GPM6A: variants seen among roughly 807,000 people sequenced by gnomAD.
GPM6A encodes neuronal membrane glycoprotein M6-a.
Under a neutral mutation model 32.1 loss-of-function variants are expected in GPM6A, and 7 were observed. The observed-to-expected ratio is 0.22, with a 90% CI of 0.12 to 0.41. The LOEUF (loss-of-function observed/expected upper bound fraction) is 0.41. Among genes scored for constraint, GPM6A ranks in the 10% least tolerant of loss-of-function variants. The probability of loss-of-function intolerance (pLI) is 1.00; values close to 1 mark genes in which losing one functional copy is unlikely to be tolerated. For missense variants in GPM6A, 235 were observed against 347.2 expected (o/e 0.68, Z 2.57); for synonymous variants, 130 against 123.4 (o/e 1.05, Z -0.35).
intron 3 of GPM6A, among the ~76,000 whole-genome samples, chr4:175,669,983 G>C (rs1453382332): frequency 6.6e-6 from 1 of 151,866 alleles, no homozygotes; most frequent in African/African-American, 2.4e-5. Context: ...CATGGAACCG[G>C]GTGTTCTTTA....
intron 1 of GPM6A, among the ~76,000 whole-genome samples, chr4:175,869,759 A>C (rs982503738): frequency 7.3e-6 from 1 of 137,922 alleles, no homozygotes; most frequent in Non-Finnish European, 1.6e-5. Context: ...TCCGTCTCAA[A>C]AAAAACAAAA....
intron 3 of GPM6A, among the ~76,000 whole-genome samples, chr4:175,659,567 T>C (rs960449759): frequency 2.6e-5 from 4 of 152,228 alleles, no homozygotes; most frequent in African/African-American, 9.6e-5. Flanking sequence ...ATTTATTTTT[T>C]AAATGGAACA....
rs1322947726 is a variant in GPM6A, at chr4:175,640,814, C to T, written c.557G>A (p.Gly186Glu). ...DLRQFGIVTIGEEKKICTVSE... is the reference protein window; with the variant it reads ...DLRQFGIVTIEEEKKICTVSE... ...GACAGTACAAATTTTCTTTTCCTCTCCAATTGTCACAATTCCTACAATGTG... is the reference window on the plus strand; with the variant it reads ...GACAGTACAAATTTTCTTTTCCTCTTCAATTGTCACAATTCCTACAATGTG... Residue 186 changes from glycine (G) to glutamate (E), a missense_variant, in exon 5 of 7, where the codon GGA becomes GAA. Coordinates refer to ENST00000393658, the MANE Select transcript of GPM6A (RefSeq NM_201591.3). 6.2e-7 allele frequency: 1 copy of T among 1,602,016 alleles called. No individual in the cohort carries two copies. Among genetic ancestry groups the T allele is most frequent in the Admixed American group, 1.7e-5 (1 of 59,978 alleles).
At chr4:175,673,216 A>G (rs1743179066) in intron 3 of GPM6A, among the ~76,000 whole-genome samples, 2 of 152,130 alleles carry the variant, frequency 1.3e-5, no homozygotes, top group Admixed American at 1.3e-4. Flanking sequence ...ATTAAATATT[A>G]TATAAATTAA....
intron 1 of GPM6A, among the ~76,000 whole-genome samples, chr4:175,825,124 A>C (rs1174892536): frequency 1.3e-5 from 2 of 152,224 alleles, no homozygotes; most frequent in African/African-American, 4.8e-5. Flanking sequence ...TCTTGAATAT[A>C]AATTGAATTG....
intron 1 of GPM6A, among the ~76,000 whole-genome samples, chr4:175,986,899 T>C (rs201536393): frequency 1.3e-5 from 2 of 152,174 alleles, no homozygotes; most frequent in East Asian, 3.8e-4. Flanking sequence ...GAATACCTCA[T>C]GCTTTTTTCA....
intron 5 of GPM6A, 146 bp downstream of exon 5, chr4:175,640,607 C>G: frequency 1.5e-6 from 1 of 653,344 alleles, no homozygotes; most frequent in Non-Finnish European, 2.7e-6. Flanking sequence ...ATCCTCTACT[C>G]CTCCTGAATA....
intron 1 of GPM6A, among the ~76,000 whole-genome samples, chr4:175,980,619 T>G (rs1457231490): frequency 6.6e-6 from 1 of 152,214 alleles, no homozygotes; most frequent in African/African-American, 2.4e-5. Flanking sequence ...TGATGGATTA[T>G]AATAATATTT....
chr4:175,841,046 A>G (rs1735919391), intron 1 of GPM6A, among the ~76,000 whole-genome samples: 1 of 152,176 alleles, frequency 6.6e-6, no homozygotes, highest in African/African-American at 2.4e-5. Context: ...AATTTGTCAA[A>G]GTCACACAAC....
intron 1 of GPM6A, among the ~76,000 whole-genome samples, chr4:175,737,299 C>T (rs908824717): frequency 1.9e-4 from 29 of 152,026 alleles, no homozygotes; most frequent in African/African-American, 6.5e-4. Flanking sequence ...CAATCCTGTA[C>T]GCCTGTAATC....
chr4:175,761,253 T>A (rs888597927), intron 1 of GPM6A, among the ~76,000 whole-genome samples: 3 of 152,112 alleles, frequency 2.0e-5, no homozygotes, highest in African/African-American at 7.2e-5. Flanking sequence ...CACCACCATG[T>A]CTGCCTGTTT....
intron 3 of GPM6A, among the ~76,000 whole-genome samples, chr4:175,668,324 T>C (rs953750476): frequency 3.3e-5 from 5 of 151,588 alleles, no homozygotes; most frequent in Non-Finnish European, 5.9e-5. Flanking sequence ...AATGCCACGG[T>C]TTTTCAAACA....
At chr4:175,822,977 A>G (rs540826047) in intron 1 of GPM6A, among the ~76,000 whole-genome samples, 3 of 152,182 alleles carry the variant, frequency 2.0e-5, no homozygotes, top group African/African-American at 7.2e-5. Flanking sequence ...AAAACTGACA[A>G]TAATAAGTTG....
intron 1 of GPM6A, among the ~76,000 whole-genome samples, chr4:175,809,156 G>T (rs572345628): frequency 6.6e-6 from 1 of 152,154 alleles, no homozygotes; most frequent in African/African-American, 2.4e-5. Context: ...TTTCTCGTAA[G>T]ATTTGGCAAA....
intron 2 of GPM6A, among the ~76,000 whole-genome samples, chr4:175,686,509 C>T (rs765325920): frequency 5.9e-5 from 9 of 152,162 alleles, no homozygotes; most frequent in Non-Finnish European, 1.0e-4. Flanking sequence ...GAGAGACACA[C>T]GGAAGAAAAG....
At chr4:175,666,737 G>A (rs181835817) in intron 3 of GPM6A, among the ~76,000 whole-genome samples, 4 of 152,218 alleles carry the variant, frequency 2.6e-5, no homozygotes, top group Admixed American at 6.5e-5. Context: ...TTTCCTTGTC[G>A]AGTGTCACCT....
intron 2 of GPM6A, among the ~76,000 whole-genome samples, chr4:175,698,312 A>G (rs1744686744): frequency 6.6e-6 from 1 of 152,050 alleles, no homozygotes; most frequent in South Asian, 2.1e-4. Context: ...AAAGAAATAG[A>G]CTCTGTAAAT....
intron 3 of GPM6A, among the ~76,000 whole-genome samples, chr4:175,655,307 A>G (rs898479360): frequency 6.6e-6 from 1 of 152,122 alleles, no homozygotes; most frequent in Non-Finnish European, 1.5e-5. Context: ...AATATTCACT[A>G]AAGTATTTAA....
intron 6 of GPM6A, among the ~76,000 whole-genome samples, chr4:175,635,849 TAA>T (rs1740547745): frequency 6.6e-6 from 1 of 152,094 alleles, no homozygotes; most frequent in Non-Finnish European, 1.5e-5. Context: ...GAAGAGAAAC[TAA>T]GTTGACAGTT....
Sources: gnomAD v4.1 joint callset for allele counts (sites outside exome capture counted in the v4.1 genomes callset) on GRCh38, gnomAD v4.1.1 for gene constraint, MANE v1.5 for transcripts, NCBI Gene and HGNC (gene_info 2026-07-23, HGNC 2026-07-21) for gene names.